RRAGD: variants seen among roughly 807,000 people sequenced by gnomAD.
RRAGD encodes the protein ras-related GTP-binding protein D.
RRAGD carries 12 observed loss-of-function variants against 35.5 expected under a neutral mutation model. That is an observed-to-expected ratio of 0.34 (90% CI 0.22 to 0.55). The LOEUF (loss-of-function observed/expected upper bound fraction) is 0.55. RRAGD is among the 20% of genes least tolerant of loss of function. RRAGD has a pLI of 0.91. For missense variants in RRAGD, 324 were observed against 490.1 expected, an observed-to-expected ratio of 0.66 and a Z score of 3.20; for synonymous variants, 155 against 178.9, an observed-to-expected ratio of 0.87 and a Z score of 1.07.
chr6:89,404,376 A>G (rs1286077807), intron 1 of RRAGD, among the ~76,000 whole-genome samples: 2 of 152,256 alleles, frequency 1.3e-5, no homozygotes, highest in African/African-American at 4.8e-5. Flanking sequence ...AGCTTTAAAA[A>G]GAAAATTCAT....
chr6:89,396,728 ATTTTTTTTTTT>A (rs1160973684), intron 1 of RRAGD, among the ~76,000 whole-genome samples: 5 of 76,388 alleles, frequency 6.5e-5, no homozygotes, highest in Admixed American at 1.6e-4. Flanking sequence ...CAATGACCCA[ATTTTTTTTTTT>A]TTTTTTTTTT....
intron 1 of RRAGD, among the ~76,000 whole-genome samples, chr6:89,400,137 G>A (rs1047507844): frequency 5.3e-5 from 8 of 152,256 alleles, no homozygotes; most frequent in Admixed American, 4.6e-4. Flanking sequence ...TCCTTGAGGT[G>A]TTCTACAAAA....
intron 5 of RRAGD, among the ~76,000 whole-genome samples, chr6:89,376,289 CAT>C (rs1455029901): frequency 1.8e-4 from 25 of 135,242 alleles, no homozygotes; most frequent in East Asian, 4.3e-4. Context: ...TATCACTTTC[CAT>C]GTGTGTGTGG....
intron 1 of RRAGD, among the ~76,000 whole-genome samples, chr6:89,392,062 A>T (rs891803362): frequency 6.6e-6 from 1 of 152,180 alleles, no homozygotes; most frequent in Non-Finnish European, 1.5e-5. Flanking sequence ...AAGAGCAAAT[A>T]CTATGGTATA....
chr6:89,390,507 T>A (rs1769213536), intron 1 of RRAGD, among the ~76,000 whole-genome samples: 1 of 152,246 alleles, frequency 6.6e-6, no homozygotes, highest in Non-Finnish European at 1.5e-5. Flanking sequence ...AAATGACAGA[T>A]AATAACATGT....
intron 2 of RRAGD, among the ~76,000 whole-genome samples, chr6:89,386,640 C>T (rs533219516): frequency 3.8e-4 from 58 of 152,258 alleles, no homozygotes; most frequent in African/African-American, 1.2e-3. Flanking sequence ...TAAAACTCAC[C>T]TCATATCCAC....
chr6:89,372,721 A>G, intron 5 of RRAGD, 136 bp from the exon 6 acceptor site: 1 of 775,512 alleles, frequency 1.3e-6, no homozygotes, highest in Non-Finnish European at 2.0e-6. Context: ...CTTTCAGCAA[A>G]AGAGCTCAGA....
At chr6:89,384,292 T>A (rs1422612836) in intron 2 of RRAGD, among the ~76,000 whole-genome samples, 3 of 152,248 alleles carry the variant, frequency 2.0e-5, no homozygotes, top group Admixed American at 1.3e-4. Context: ...TTCCTTATTT[T>A]AAATAAATTA....
At position 89,412,039 on chromosome 6, in the gene RRAGD, T is replaced by TG; in HGVS notation, c.-47dup. 2 of 1,506,012 alleles carry TG rather than the reference T, an allele frequency of 1.3e-6. No individual in the cohort carries two copies. The highest frequency in any genetic ancestry group is 1.8e-6 in the Non-Finnish European group (2 of 1,131,830). The allele number at this position is 1,506,012 out of a possible 1,614,324, so 93.3% of individuals were successfully genotyped here. A position where few individuals can be genotyped will look rare whatever the true frequency, so the allele number is the denominator to read the frequency against. On this transcript the variant is annotated 5_prime_UTR_variant, in exon 1 of 7. Transcript: ENST00000369415. This position sits in a 1 kb window ranked among gnomAD's most constrained non-coding sequence, Gnocchi z 4.2. Reference sequence around the variant, plus strand: ...CCCGGGGACGGCGGGGGTCCCGGGGTGGGGGCCAAGCCTCCTAGCCGGCCG... The same window carrying TG: ...CCCGGGGACGGCGGGGGTCCCGGGGTGGGGGGCCAAGCCTCCTAGCCGGCCG...
intron 1 of RRAGD, among the ~76,000 whole-genome samples, chr6:89,398,832 TCAGAGCCTTTACCACC>T (rs1769391671): frequency 6.6e-6 from 1 of 152,206 alleles, no homozygotes; most frequent in African/African-American, 2.4e-5. Context: ...TCACTACCAA[TCAGAGCCTTTACCACC>T]AATCAGCTGT....
At chr6:89,389,166 C>T (rs1377597646) in intron 1 of RRAGD, among the ~76,000 whole-genome samples, 1 of 152,096 alleles carries the variant, frequency 6.6e-6, no homozygotes, top group Non-Finnish European at 1.5e-5. Flanking sequence ...ACAGAAAGTT[C>T]TAGAGGCCAG....
At chr6:89,373,239 A>AAG (rs1290354150) in intron 5 of RRAGD, among the ~76,000 whole-genome samples, 2 of 152,270 alleles carry the variant, frequency 1.3e-5, no homozygotes, top group Non-Finnish European at 2.9e-5. Context: ...AATCCCAGTG[A>AAG]AGAGTTATAC....
At chr6:89,389,847 T>C (rs115869987) in intron 1 of RRAGD, among the ~76,000 whole-genome samples, 1 of 152,272 alleles carries the variant, frequency 6.6e-6, no homozygotes, top group African/African-American at 2.4e-5. Flanking sequence ...AATTTCAAAA[T>C]CTACAAAATG....
At chr6:89,400,817 C>T (rs185114795) in intron 1 of RRAGD, among the ~76,000 whole-genome samples, 1 of 152,192 alleles carries the variant, frequency 6.6e-6, no homozygotes. Context: ...TGACAGCCCC[C>T]CTAAAAGGAG....
intron 1 of RRAGD, among the ~76,000 whole-genome samples, chr6:89,405,633 G>C (rs1345349551): frequency 6.6e-6 from 1 of 152,052 alleles, no homozygotes; most frequent in African/African-American, 2.4e-5. Context: ...CCCACCCCAA[G>C]CCTAGGCAAC....
rs1332746342 is a variant in RRAGD at position 89,411,757 on chromosome 6, G to C, written c.148+89C>G. On this transcript the variant is annotated intron_variant, in intron 1 of 6. Transcript: ENST00000369415. This position sits in a 1 kb window ranked among gnomAD's most constrained non-coding sequence, Gnocchi z 5.6. ...CGCTCCCCTGGACCCCCTCCAAGTC[G>C]GTGGCTCGCGCACGGCCGGGCTGGG... 1 of 1,403,602 alleles carries C rather than the reference G, an allele frequency of 7.1e-7. No homozygotes were observed. The highest frequency in any genetic ancestry group is 2.7e-5 in the East Asian group (1 of 36,666). 86.9% of individuals were successfully genotyped at this position (1,403,602 alleles called of 1,614,324 possible). A position where few individuals can be genotyped will look rare whatever the true frequency, so the allele number is the denominator to read the frequency against.
At chr6:89,378,451 C>G (rs1019616866) in intron 4 of RRAGD, among the ~76,000 whole-genome samples, 1 of 152,156 alleles carries the variant, frequency 6.6e-6, no homozygotes, top group African/African-American at 2.4e-5. Context: ...TTAAAATAAG[C>G]TTAGAAACAC....
At chr6:89,394,671 T>C (rs542425209) in intron 1 of RRAGD, among the ~76,000 whole-genome samples, 20 of 152,254 alleles carry the variant, frequency 1.3e-4, no homozygotes, top group Non-Finnish European at 2.8e-4. Context: ...AGTCAAAGAA[T>C]GCTACGGTTG....
At position 89,366,493 on chromosome 6, in the gene RRAGD, T is replaced by C. The variant is rs904021234; in HGVS notation, c.*1563A>G. 8.0e-5 allele frequency: 12 copies of C among 149,752 alleles called. No individual in the cohort carries two copies. The highest frequency in any genetic ancestry group is 3.0e-4 in the African/African-American group (12 of 40,408). 9.3% of individuals were successfully genotyped at this position (149,752 alleles called of 1,614,324 possible). On this transcript the variant is annotated 3_prime_UTR_variant, in exon 7 of 7. Coordinates refer to ENST00000369415, the MANE Select transcript of RRAGD (RefSeq NM_021244.5). ...GTGAGCTATGATTGTACCAATGTAT[T>C]CCAGCACAAGCAACAGAATGAGGCC... is the stretch of plus-strand genomic sequence containing the variant.
Sources: allele counts gnomAD v4.1 joint callset (sites outside exome capture counted in the v4.1 genomes callset), GRCh38; gene constraint gnomAD v4.1.1; non-coding constraint Gnocchi (gnomAD v3.1); transcripts MANE v1.5; gene names NCBI Gene and HGNC (gene_info 2026-07-23, HGNC 2026-07-21).